Variants in XKR6 observed in about 807,000 individuals in gnomAD.
The protein encoded by XKR6 is XK-related protein 6.
A neutral mutation model predicts 56.7 loss-of-function variants in XKR6; 22 were observed. That is an observed-to-expected ratio of 0.39 (90% CI 0.28 to 0.55). XKR6 has a LOEUF of 0.55. XKR6 is among the 20% of genes least tolerant of loss of function. The pLI, the probability that XKR6 is intolerant of heterozygous loss-of-function variation, is 0.66. For synonymous variants in XKR6, 524 were observed against 387.8 expected, an observed-to-expected ratio of 1.35 and a Z score of -4.13; for missense variants, 852 against 889.0, an observed-to-expected ratio of 0.96 and a Z score of 0.53.
rs117769831 is a variant in XKR6 at position 10,962,251 on chromosome 8, A to G, written c.765-37421T>C. 3.9e-4 allele frequency among the ~76,000 whole-genome samples: 59 copies of G among 152,308 alleles called. 1 individual carries two copies. In the East Asian group the frequency reaches 0.011, roughly 29 times the overall value. On this transcript the variant is annotated intron_variant, in intron 1 of 2. Coordinates refer to ENST00000416569, the MANE Select transcript of XKR6 (RefSeq NM_173683.4). ...AAACCCCAAAACATAATATTATCAT[A>G]CAATAGAGGTGCTATCAAGTCACAT...
chr8:10,914,940 C>T (rs1296932586), intron 2 of XKR6, among the ~76,000 whole-genome samples: 1 of 152,236 alleles, frequency 6.6e-6, no homozygotes, highest in African/African-American at 2.4e-5. Flanking sequence ...GGACACTGTC[C>T]TCCAGGTGTC....
intron 1 of XKR6, among the ~76,000 whole-genome samples, chr8:11,003,093 G>C (rs563609641): frequency 2.0e-5 from 3 of 152,270 alleles, no homozygotes; most frequent in African/African-American, 7.2e-5. Context: ...TCAGAAGGAA[G>C]GTTCAGCCAA....
intron 1 of XKR6, among the ~76,000 whole-genome samples, chr8:11,126,556 C>T (rs1799809055): frequency 6.6e-6 from 1 of 152,200 alleles, no homozygotes; most frequent in South Asian, 2.1e-4. Context: ...TACTTCTCAG[C>T]TTTGCAACGC....
chr8:11,139,045 C>G (rs1449224229), intron 1 of XKR6, among the ~76,000 whole-genome samples: 1 of 151,912 alleles, frequency 6.6e-6, no homozygotes, highest in African/African-American at 2.4e-5. Flanking sequence ...TTAATAAAAG[C>G]AATTAGTTCT....
At chr8:11,064,523 C>T (rs772883234) in intron 1 of XKR6, among the ~76,000 whole-genome samples, 7 of 152,270 alleles carry the variant, frequency 4.6e-5, no homozygotes, top group South Asian at 2.1e-4. Flanking sequence ...AAAAGCATAC[C>T]GCAAGAATTG....
intron 1 of XKR6, among the ~76,000 whole-genome samples, chr8:11,046,465 T>A (rs7815495): frequency 0.15 from 22,378 of 151,998 alleles, 1,799 homozygotes; most frequent in Non-Finnish European, 0.19. Context: ...AAAGAAATAT[T>A]TGTACCCTTT....
chr8:11,143,367 C>T (rs914871773), intron 1 of XKR6, among the ~76,000 whole-genome samples: 1 of 152,144 alleles, frequency 6.6e-6, no homozygotes, highest in East Asian at 1.9e-4. Flanking sequence ...AAGAAAAACA[C>T]ACTACAACAT....
chr8:10,950,542 T>C (rs1474255849), intron 1 of XKR6, among the ~76,000 whole-genome samples: 1 of 152,188 alleles, frequency 6.6e-6, no homozygotes. Flanking sequence ...GGGTCTCTTG[T>C]TGGATTCTCT....
intron 1 of XKR6, among the ~76,000 whole-genome samples, chr8:10,995,371 TGATATATGTATATGATATATATAGTA>T (rs991556303): frequency 2.0e-5 from 3 of 148,410 alleles, no homozygotes; most frequent in African/African-American, 7.4e-5. Flanking sequence ...ATGTTATATA[TGATATATGTATATGATATATATAGTA>T]GATATATATA....
chr8:10,976,219 G>A (rs938537150), intron 1 of XKR6, among the ~76,000 whole-genome samples: 3 of 151,782 alleles, frequency 2.0e-5, no homozygotes, highest in Non-Finnish European at 4.4e-5. Context: ...CCACCATGTT[G>A]TGGGAGGGTT....
intron 1 of XKR6, among the ~76,000 whole-genome samples, chr8:10,943,631 G>A (rs1801451015): frequency 6.6e-6 from 1 of 152,174 alleles, no homozygotes; most frequent in Non-Finnish European, 1.5e-5. Context: ...TTCTGTACCA[G>A]GCACAATGGA....
chr8:10,988,437 C>T (rs1048607886), intron 1 of XKR6, among the ~76,000 whole-genome samples: 1 of 152,098 alleles, frequency 6.6e-6, no homozygotes, highest in Non-Finnish European at 1.5e-5. Context: ...TGTGGAAATC[C>T]CTGGCGTGCC....
chr8:11,111,455 G>A (rs889366405), intron 1 of XKR6, among the ~76,000 whole-genome samples: 5 of 152,118 alleles, frequency 3.3e-5, no homozygotes, highest in Non-Finnish European at 1.5e-5. Context: ...TTCTGAGACC[G>A]GTTCCAGACT....
chr8:10,905,491 G>A (rs1199319711), intron 2 of XKR6, among the ~76,000 whole-genome samples: 1 of 152,158 alleles, frequency 6.6e-6, no homozygotes, highest in South Asian at 2.1e-4. Flanking sequence ...GTGAAGAGAC[G>A]TGGATGTGGC....
In XKR6 at chr8:10,961,535, G is replaced by C. The variant is rs149161762; in HGVS notation, c.765-36705C>G. On this transcript the variant is annotated intron_variant, in intron 1 of 2. Coordinates refer to ENST00000416569, the MANE Select transcript of XKR6 (RefSeq NM_173683.4). ...CAGAGTGAACACACAGTCCACACTT[G>C]ATGAGTACATGAAGAAACCCAAAGA... Among the ~76,000 whole-genome samples, 1,114 of 152,334 alleles carry C rather than the reference G, an allele frequency of 7.3e-3. 15 individuals are homozygous for C. Among genetic ancestry groups the C allele is most frequent in the African/African-American group, 0.026 (1,065 of 41,580 alleles).
At chr8:11,171,141 C>G (rs1802347270) in intron 1 of XKR6, among the ~76,000 whole-genome samples, 1 of 152,226 alleles carries the variant, frequency 6.6e-6, no homozygotes, top group Non-Finnish European at 1.5e-5. Flanking sequence ...GGTAGAAGGA[C>G]AGAACTGCTA....
chr8:10,949,765 C>G (rs559460440), intron 1 of XKR6, among the ~76,000 whole-genome samples: 1 of 152,132 alleles, frequency 6.6e-6, no homozygotes, highest in Non-Finnish European at 1.5e-5. Context: ...CGGAGCTCTG[C>G]GGGCAGAGGA....
At chr8:11,027,559 G>A (rs1798897750) in intron 1 of XKR6, among the ~76,000 whole-genome samples, 1 of 152,136 alleles carries the variant, frequency 6.6e-6, no homozygotes, top group African/African-American at 2.4e-5. Context: ...AGCTAATTGA[G>A]GCTCAGAGAA....
chr8:11,009,694 A>G (rs185129586), intron 1 of XKR6, among the ~76,000 whole-genome samples: 1 of 152,340 alleles, frequency 6.6e-6, no homozygotes, highest in East Asian at 1.9e-4. Context: ...AATCTAGAGG[A>G]GTCTGTGGAG....
Sources: allele counts gnomAD v4.1 joint callset (sites outside exome capture counted in the v4.1 genomes callset), GRCh38; gene constraint gnomAD v4.1.1; transcripts MANE v1.5; gene names NCBI Gene and HGNC (gene_info 2026-07-23, HGNC 2026-07-21).